The following DPP10 variants were observed in gnomAD, a reference collection of about 807,000 sequenced individuals.
DPP10 encodes inactive dipeptidyl peptidase 10.
Under a neutral mutation model 120.9 loss-of-function variants are expected in DPP10, and 33 were observed. The ratio of observed to expected loss-of-function variants is 0.27; its 90% confidence interval spans 0.21 to 0.37. DPP10 has a LOEUF of 0.37. DPP10 is among the 10% of genes least tolerant of loss of function. The pLI is 1.00. For missense variants in DPP10, 816 were observed against 942.8 expected (o/e 0.87, Z 1.76); for synonymous variants, 337 against 326.1 (o/e 1.03, Z -0.36).
chr2:114,813,029 A>G (rs1685318565), intron 1 of DPP10, among the ~76,000 whole-genome samples: 1 of 152,206 alleles, frequency 6.6e-6, no homozygotes, highest in Non-Finnish European at 1.5e-5. Flanking sequence ...TGTGGTCCAT[A>G]TAAAATTAAG....
chr2:115,375,210 T>G (rs1300811824), intron 3 of DPP10, among the ~76,000 whole-genome samples: 2 of 152,220 alleles, frequency 1.3e-5, no homozygotes, highest in Non-Finnish European at 2.9e-5. Context: ...AGGTCACATC[T>G]TGAACGATTT....
At chr2:115,795,252 G>T (rs543053812) in intron 19 of DPP10, among the ~76,000 whole-genome samples, 78 of 152,210 alleles carry the variant, frequency 5.1e-4, no homozygotes, top group African/African-American at 1.9e-3. Context: ...CAGCTCAGGA[G>T]TTTATTTCAG....
At chr2:115,656,512 C>T (rs1355381630) in intron 5 of DPP10, among the ~76,000 whole-genome samples, 1 of 151,504 alleles carries the variant, frequency 6.6e-6, no homozygotes, top group Non-Finnish European at 1.5e-5. Flanking sequence ...GGAGAAAGAT[C>T]AATCTGTCGG....
At chr2:114,674,642 C>G (rs1698556134) in intron 1 of DPP10, among the ~76,000 whole-genome samples, 1 of 152,214 alleles carries the variant, frequency 6.6e-6, no homozygotes, top group Non-Finnish European at 1.5e-5. Context: ...TGACCCCATC[C>G]TGGCAGGTAA....
At chr2:114,560,696 G>A (rs1167335735) in intron 1 of DPP10, among the ~76,000 whole-genome samples, 1 of 152,170 alleles carries the variant, frequency 6.6e-6, no homozygotes, top group East Asian at 1.9e-4. Context: ...CAGTCACTAA[G>A]CAGCATTGAG....
At chr2:114,993,958 T>TA (rs1700920279) in intron 1 of DPP10, among the ~76,000 whole-genome samples, 1 of 152,110 alleles carries the variant, frequency 6.6e-6, no homozygotes, top group Non-Finnish European at 1.5e-5. Flanking sequence ...TTTTCTCGAG[T>TA]AATGCTCCCT....
chr2:115,762,536 T>A, intron 11 of DPP10, 36 bp from the exon 12 acceptor site: 1 of 1,612,950 alleles, frequency 6.2e-7, no homozygotes, highest in Non-Finnish European at 8.5e-7. Flanking sequence ...CATTTTGGTC[T>A]TTAGATGCTT....
chr2:114,972,044 T>C (rs1699434335), intron 1 of DPP10, among the ~76,000 whole-genome samples: 1 of 152,192 alleles, frequency 6.6e-6, no homozygotes, highest in South Asian at 2.1e-4. Context: ...TCTCCACAGA[T>C]TATTTTCTGT....
At chr2:115,322,892 T>C (rs1486210978) in intron 2 of DPP10, among the ~76,000 whole-genome samples, 4 of 152,210 alleles carry the variant, frequency 2.6e-5, no homozygotes, top group African/African-American at 9.6e-5. Context: ...AAAATTCTAT[T>C]TGATGATCTG....
At chr2:115,836,867 C>A in intron 24 of DPP10, 121 bp downstream of exon 24, 1 of 809,788 alleles carries the variant, frequency 1.2e-6, no homozygotes, top group Non-Finnish European at 1.9e-6. Flanking sequence ...GAGAGTCACA[C>A]AAAGAATCAG....
In DPP10 at chr2:115,354,532, CT is replaced by C. The variant is rs559321206; in HGVS notation, c.271+10625del. ...TTGTTGTAAAATGACATAATTTGGC[CT>C]TTTTATGGCTGCATAGTATTCCATG... On this transcript the variant is annotated intron_variant, in intron 3 of 25. Coordinates refer to ENST00000410059, the MANE Select transcript of DPP10 (RefSeq NM_020868.6). Among the ~76,000 whole-genome samples the C allele has an allele frequency of 1.5e-3, 227 of 151,822 alleles. 1 individual carries two copies. The highest frequency in any genetic ancestry group is 8.3e-3 in the South Asian group (40 of 4,822).
intron 3 of DPP10, among the ~76,000 whole-genome samples, chr2:115,349,375 G>A (rs993626480): frequency 4.6e-5 from 7 of 152,024 alleles, no homozygotes; most frequent in Non-Finnish European, 1.0e-4. Context: ...TCAGAGTGAG[G>A]ACATTAGTGC....
At chr2:115,571,415 T>C (rs1397909362) in intron 5 of DPP10, among the ~76,000 whole-genome samples, 1 of 152,180 alleles carries the variant, frequency 6.6e-6, no homozygotes, top group African/African-American at 2.4e-5. Context: ...CAGTTTCTAT[T>C]GTTGCCATTT....
chr2:115,511,361 C>T (rs112752835), intron 4 of DPP10, among the ~76,000 whole-genome samples: 1 of 151,934 alleles, frequency 6.6e-6, no homozygotes, highest in African/African-American at 2.4e-5. Context: ...TGTTGATAAG[C>T]AATTTTATAG....
At chr2:114,841,182 C>A (rs145199861) in intron 1 of DPP10, among the ~76,000 whole-genome samples, 23 of 152,240 alleles carry the variant, frequency 1.5e-4, no homozygotes, top group South Asian at 2.1e-4. Flanking sequence ...AAAAAGCAAT[C>A]TTTTCAAAAC....
chr2:115,594,462 A>T (rs1050499931), intron 5 of DPP10, among the ~76,000 whole-genome samples: 3 of 152,212 alleles, frequency 2.0e-5, no homozygotes, highest in African/African-American at 7.2e-5. Context: ...CAATGTTTTA[A>T]ACAAAAAAAG....
At chr2:114,524,362 A>G (rs775277233) in intron 1 of DPP10, among the ~76,000 whole-genome samples, 3 of 152,244 alleles carry the variant, frequency 2.0e-5, no homozygotes, top group Non-Finnish European at 2.9e-5. Context: ...AGGATCCCAT[A>G]TCCCTGACAG....
At chr2:114,792,296 G>C (rs1398577070) in intron 1 of DPP10, among the ~76,000 whole-genome samples, 11 of 152,064 alleles carry the variant, frequency 7.2e-5, no homozygotes, top group African/African-American at 2.7e-4. Flanking sequence ...TAATGCAGGT[G>C]GTAAAATGAC....
chr2:115,063,702 C>T (rs1383231529), intron 1 of DPP10, among the ~76,000 whole-genome samples: 1 of 152,174 alleles, frequency 6.6e-6, no homozygotes, highest in Non-Finnish European at 1.5e-5. Context: ...GCTGGGAGAA[C>T]TGGCTAGCCA....
Sources: allele counts gnomAD v4.1 joint callset (sites outside exome capture counted in the v4.1 genomes callset), GRCh38; gene constraint gnomAD v4.1.1; transcripts MANE v1.5; gene names NCBI Gene and HGNC (gene_info 2026-07-23, HGNC 2026-07-21).